BHLHE41: variants seen among roughly 807,000 people sequenced by gnomAD.
The protein encoded by BHLHE41 is class E basic helix-loop-helix protein 41.
A neutral mutation model predicts 24.0 loss-of-function variants in BHLHE41; 14 were observed. The observed-to-expected ratio is 0.58, with a 90% CI of 0.39 to 0.91. The LOEUF is 0.91. Among genes scored for constraint, BHLHE41 ranks in the 40% least tolerant of loss-of-function variants. BHLHE41 has a pLI of 0.00. For missense variants in BHLHE41, 674 were observed against 655.4 expected (o/e 1.03, Z -0.31); for synonymous variants, 394 against 315.5 (o/e 1.25, Z -2.64).
chr12:26,120,459 G>A lies in BHLHE41; in HGVS notation c.*1607C>T, dbSNP rs1944295098. On this transcript the variant is annotated 3_prime_UTR_variant, in exon 5 of 5. Transcript: ENST00000242728. ...TATTTTTTTAAAATAATTTAAGACAGCATAAGCTTGTACCAAGCATAAGCA... is the reference window on the plus strand; with the variant it reads ...TATTTTTTTAAAATAATTTAAGACAACATAAGCTTGTACCAAGCATAAGCA... 1.3e-5 allele frequency: 2 copies of A among 152,466 alleles called. No individual in the cohort carries two copies. The highest frequency in any genetic ancestry group is 4.8e-5 in the African/African-American group (2 of 41,380). The allele number at this position is 152,466 out of a possible 1,614,324, so 9.4% of individuals were successfully genotyped here. A position where few individuals can be genotyped will look rare whatever the true frequency, so the allele number is the denominator to read the frequency against.
At chr12:26,123,879 C>G (rs1944337383) in intron 3 of BHLHE41, 138 bp from the exon 4 acceptor site, 1 of 775,300 alleles carries the variant, frequency 1.3e-6, no homozygotes, top group Admixed American at 1.9e-5. Context: ...GAGCTTTCCA[C>G]AAGACAGGTT....
Position 26,122,443 on chromosome 12 carries a change from C to T in BHLHE41, c.1072G>A (p.Ala358Thr). Residue 358 changes from alanine to threonine, a missense_variant, in exon 5 of 5, where the codon GCA (alanine) becomes ACA (threonine). Coordinates refer to ENST00000242728, the MANE Select transcript of BHLHE41 (RefSeq NM_030762.3). ...AAGGGCTGCACGTAGGCGGCAGCTG[C>T]AGAAGGCGAGAGGAAGCAGAAGGGC... Reference protein sequence around the residue: ...CLPFCFLSPSAAAAYVQPFLD... With the variant: ...CLPFCFLSPSTAAAYVQPFLD... 2.9e-6 allele frequency: 4 copies of T among 1,356,770 alleles called. No homozygotes were observed. Among genetic ancestry groups the T allele is most frequent in the Non-Finnish European group, 2.9e-6 (3 of 1,044,334 alleles). 84.0% of individuals were successfully genotyped at this position (1,356,770 alleles called of 1,614,324 possible).
Position 26,122,976 on chromosome 12 carries a change from A to C in BHLHE41, c.539T>G (p.Leu180Trp), listed in dbSNP as rs1308098877. ...ATQFLPTPQL[L>W]TQQVPLSKGT... is the part of the protein sequence containing the mutation. ...TTTGCTCAGAGGGACCTGTTGAGTC[A>C]ACAGCTGCGGGGTGGGCAAGAACTG... The change falls in exon 5 of 5, where the codon TTG (leucine) becomes TGG (tryptophan). Residue 180 changes from leucine (L) to tryptophan (W), a missense_variant. By Grantham distance (61) the Leu-to-Trp change is moderately conservative. This residue lies in a region of BHLHE41 where 602 missense variants were observed against 570.8 expected (regional missense o/e 1.05). Transcript: ENST00000242728. The C allele has an allele frequency of 6.4e-7, 1 of 1,564,370 alleles. No individual in the cohort carries two copies. The highest frequency in any genetic ancestry group is 8.7e-7 in the Non-Finnish European group (1 of 1,153,902).
In BHLHE41 at chr12:26,120,957, T is replaced by C. The variant is rs1944298411; in HGVS notation, c.*1109A>G. On this transcript the variant is annotated 3_prime_UTR_variant, in exon 5 of 5. Coordinates refer to ENST00000242728, the MANE Select transcript of BHLHE41 (RefSeq NM_030762.3). ...CTCACAGGACTTCATTCTATATCTTTACAGCATTTGCAATCAAAACTGGCC... is the reference window on the plus strand; with the variant it reads ...CTCACAGGACTTCATTCTATATCTTCACAGCATTTGCAATCAAAACTGGCC... 6.5e-6 allele frequency: 1 copy of C among 152,688 alleles called. No homozygotes were observed. Among genetic ancestry groups the C allele is most frequent in the Non-Finnish European group, 1.5e-5 (1 of 68,042 alleles). The allele number at this position is 152,688 out of a possible 1,614,324, so 9.5% of individuals were successfully genotyped here. A position where few individuals can be genotyped will look rare whatever the true frequency, so the allele number is the denominator to read the frequency against.
In BHLHE41 at chr12:26,124,876, G is replaced by A; in HGVS notation, c.-97C>T. 1.2e-5 allele frequency: 14 copies of A among 1,175,192 alleles called. No homozygotes were observed. Among genetic ancestry groups the A allele is most frequent in the Non-Finnish European group, 1.7e-5 (13 of 787,006 alleles). 72.8% of individuals were successfully genotyped at this position (1,175,192 alleles called of 1,614,324 possible). On this transcript the variant is annotated 5_prime_UTR_variant, in exon 1 of 5. In the 5' UTR this introduces an upstream ATG that the reference lacks. Transcript: ENST00000242728. ...TGGGAGACCTTGGGGGGATCTGTGCGTCTCCAGTCTCTCTCTCGCTCTCCC... is the reference window on the plus strand; with the variant it reads ...TGGGAGACCTTGGGGGGATCTGTGCATCTCCAGTCTCTCTCTCGCTCTCCC...
Position 26,122,793 on chromosome 12 carries a change from C to A in BHLHE41, c.722G>T (p.Gly241Val). 6.3e-7 allele frequency: 1 copy of A among 1,591,832 alleles called. No individual in the cohort carries two copies. The highest frequency in any genetic ancestry group is 1.1e-5 in the South Asian group (1 of 88,404). The change falls in exon 5 of 5, where the codon GGC becomes GTC. Residue 241 changes from glycine to valine, a missense_variant. By Grantham distance (109) the Gly-to-Val change is moderately radical. Around this residue, in one of 3 missense-constraint regions of BHLHE41, gnomAD observed 602 missense variants for 570.8 expected, o/e 1.05. Transcript: ENST00000242728. ...AAENDTDTDS[G>V]YGGEAEARPD... ...CCGGGCCTCGGCTTCGCCGCCGTAGCCGCTGTCGGTGTCCGTGTCGTTCTC... is the reference window on the plus strand; with the variant it reads ...CCGGGCCTCGGCTTCGCCGCCGTAGACGCTGTCGGTGTCCGTGTCGTTCTC...
At position 26,124,714 on chromosome 12, in the gene BHLHE41, T is replaced by C. The variant is rs751145157; in HGVS notation, c.62+4A>G. On this transcript the variant is annotated splice_donor_region_variant and intron_variant, in intron 1 of 4. Transcript: ENST00000242728. ...AGATATTCGCAAGGGTGCGTGCACC[T>C]TACCCTATAAAATCTCTATGTTCCA... 6.2e-6 allele frequency: 10 copies of C among 1,613,860 alleles called. No individual in the cohort carries two copies. Among genetic ancestry groups the C allele is most frequent in the Non-Finnish European group, 8.5e-7 (1 of 1,179,790 alleles).
chr12:26,124,811 T>C lies in BHLHE41; in HGVS notation c.-32A>G. On this transcript the variant is annotated 5_prime_UTR_variant, in exon 1 of 5. Transcript: ENST00000242728. ...CTGCTGTTCGTTTCCTCTGTTTCGA[T>C]TTTTGGGGCTCTGTACAATAATCTG... The C allele has an allele frequency of 1.9e-6, 3 of 1,610,824 alleles. No individual in the cohort carries two copies.
chr12:26,122,447 A>G lies in BHLHE41; in HGVS notation c.1068T>C (p.Pro356=). The change falls in exon 5 of 5, where the codon CCT becomes CCC. Residue 356 remains proline (P), a synonymous_variant. Transcript: ENST00000242728. ...PFCLPFCFLS[P]SAAAAYVQPF... is the part of the protein sequence containing the mutation. The stretch of plus-strand genomic sequence containing the variant: ...GCTGCACGTAGGCGGCAGCTGCAGA[A>G]GGCGAGAGGAAGCAGAAGGGCAGGC... 6 of 1,355,258 alleles carry G rather than the reference A, an allele frequency of 4.4e-6. No individual in the cohort carries two copies. The South Asian group carries it at 8.2e-5, about 19-fold the overall frequency. The allele number at this position is 1,355,258 out of a possible 1,614,324, so 84.0% of individuals were successfully genotyped here. A position where few individuals can be genotyped will look rare whatever the true frequency, so the allele number is the denominator to read the frequency against.
At position 26,122,483 on chromosome 12, in the gene BHLHE41, C is replaced by T. The variant is rs1430536996; in HGVS notation, c.1032G>A (p.Ala344=). ...AGCAGAAGGGCAGGCAGAAGGGGGC[C>T]GCGGCGGCCGCGGGCTGCGGGAAGG... ...GAPFPQPAAA[A]APFCLPFCFL... The change falls in exon 5 of 5, where the codon GCG becomes GCA. Residue 344 remains alanine, a synonymous_variant. Coordinates refer to ENST00000242728, the MANE Select transcript of BHLHE41 (RefSeq NM_030762.3). 2 of 1,331,952 alleles carry T rather than the reference C, an allele frequency of 1.5e-6. No homozygotes were observed. The highest frequency in any genetic ancestry group is 1.5e-5 in the African/African-American group (1 of 64,932). 82.5% of individuals were successfully genotyped at this position (1,331,952 alleles called of 1,614,324 possible).
At position 26,124,871 on chromosome 12, in the gene BHLHE41, T is replaced by C; in HGVS notation, c.-92A>G. 1.6e-6 allele frequency: 2 copies of C among 1,247,938 alleles called. No individual in the cohort carries two copies. The highest frequency in any genetic ancestry group is 2.3e-6 in the Non-Finnish European group (2 of 851,764). The allele number at this position is 1,247,938 out of a possible 1,614,324, so 77.3% of individuals were successfully genotyped here. On this transcript the variant is annotated 5_prime_UTR_variant, in exon 1 of 5. Coordinates refer to ENST00000242728, the MANE Select transcript of BHLHE41 (RefSeq NM_030762.3). ...AGGCTTGGGAGACCTTGGGGGGATC[T>C]GTGCGTCTCCAGTCTCTCTCTCGCT...
In BHLHE41 at chr12:26,122,494, C is replaced by G; in HGVS notation, c.1021G>C (p.Ala341Pro). The G allele has an allele frequency of 7.6e-7, 1 of 1,318,950 alleles. No homozygotes were observed. The highest frequency in any genetic ancestry group is 9.8e-7 in the Non-Finnish European group (1 of 1,024,438). 81.7% of individuals were successfully genotyped at this position (1,318,950 alleles called of 1,614,324 possible). The change falls in exon 5 of 5, where the codon GCG becomes CCG. Residue 341 changes from alanine (A) to proline (P), a missense_variant. Physicochemically the swap from Ala to Pro is conservative, Grantham distance 27. Coordinates refer to ENST00000242728, the MANE Select transcript of BHLHE41 (RefSeq NM_030762.3). ...AGGCAGAAGGGGGCCGCGGCGGCCG[C>G]GGGCTGCGGGAAGGGCGCGCCTCCG... Reference protein sequence around the residue: ...GGGGAPFPQPAAAAAPFCLPF... With the variant: ...GGGGAPFPQPPAAAAPFCLPF...
Position 26,122,334 on chromosome 12 carries a change from G to A in BHLHE41, c.1181C>T (p.Ala394Val). Reference sequence around the variant, plus strand: ...GGCGGCTGCCGCGGCTGCCGCCGGGGCGGGGATGCCGGGGTATAGCAGCGG... The same window carrying A: ...GGCGGCTGCCGCGGCTGCCGCCGGGACGGGGATGCCGGGGTATAGCAGCGG... The part of the protein sequence containing the change: ...PFPLLYPGIP[A>V]PAAAAAAAAA... The change falls in exon 5 of 5, where the codon GCC becomes GTC. Residue 394 changes from alanine (A) to valine (V), a missense_variant. Ala to Val is a moderately conservative substitution (Grantham distance 64). This residue lies in a region of BHLHE41 where 602 missense variants were observed against 570.8 expected (regional missense o/e 1.05). Coordinates refer to ENST00000242728, the MANE Select transcript of BHLHE41 (RefSeq NM_030762.3). The A allele has an allele frequency of 8.5e-7, 1 of 1,177,362 alleles. No homozygotes were observed. Among genetic ancestry groups the A allele is most frequent in the Non-Finnish European group, 1.0e-6 (1 of 953,818 alleles). 72.9% of individuals were successfully genotyped at this position (1,177,362 alleles called of 1,614,324 possible). A position where few individuals can be genotyped will look rare whatever the true frequency, so the allele number is the denominator to read the frequency against.
At position 26,122,482 on chromosome 12, in the gene BHLHE41, C is replaced by G; in HGVS notation, c.1033G>C (p.Ala345Pro). 7.5e-7 allele frequency: 1 copy of G among 1,329,388 alleles called. No homozygotes were observed. Among genetic ancestry groups the G allele is most frequent in the Non-Finnish European group, 9.7e-7 (1 of 1,029,918 alleles). 82.3% of individuals were successfully genotyped at this position (1,329,388 alleles called of 1,614,324 possible). Reference sequence around the variant, plus strand: ...AAGCAGAAGGGCAGGCAGAAGGGGGCCGCGGCGGCCGCGGGCTGCGGGAAG... The same window carrying G: ...AAGCAGAAGGGCAGGCAGAAGGGGGGCGCGGCGGCCGCGGGCTGCGGGAAG... ...APFPQPAAAAAPFCLPFCFLS... is the reference protein window; with the variant it reads ...APFPQPAAAAPPFCLPFCFLS... Residue 345 changes from alanine to proline, a missense_variant, in exon 5 of 5, where the codon GCC (alanine) becomes CCC (proline). By Grantham distance (27) the Ala-to-Pro change is conservative (BLOSUM62 -1). Transcript: ENST00000242728.
Position 26,122,479 on chromosome 12 carries a change from G to GGGCCGCGGC in BHLHE41, c.1027_1035dup (p.Ala343_Ala345dup). 1 of 1,341,426 alleles carries GGGCCGCGGC rather than the reference G, an allele frequency of 7.5e-7. No individual in the cohort carries two copies. Among genetic ancestry groups the GGGCCGCGGC allele is most frequent in the Non-Finnish European group, 9.6e-7 (1 of 1,036,356 alleles). 83.1% of individuals were successfully genotyped at this position (1,341,426 alleles called of 1,614,324 possible). ...AGGAAGCAGAAGGGCAGGCAGAAGG[G>GGGCCGCGGC]GGCCGCGGCGGCCGCGGGCTGCGGG... is the stretch of plus-strand genomic sequence containing the variant. On this transcript the variant is annotated inframe_insertion, in exon 5 of 5. Coordinates refer to ENST00000242728, the MANE Select transcript of BHLHE41 (RefSeq NM_030762.3).
chr12:26,122,638 G>GGCC lies in BHLHE41; in HGVS notation c.874_876dup (p.Gly292dup). Reference sequence around the variant, plus strand: ...GCCGCCGCCGCCGCGCCGCCCCCCGGGCCGCCGCCGCTGCCGCCGCCGCGG... The same window carrying GGCC: ...GCCGCCGCCGCCGCGCCGCCCCCCGGGCCGCCGCCGCCGCTGCCGCCGCCGCGG... On this transcript the variant is annotated inframe_insertion, in exon 5 of 5. Coordinates refer to ENST00000242728, the MANE Select transcript of BHLHE41 (RefSeq NM_030762.3). The GGCC allele has an allele frequency of 3.8e-6, 5 of 1,304,252 alleles. No individual in the cohort carries two copies. The highest frequency in any genetic ancestry group is 3.9e-6 in the Non-Finnish European group (4 of 1,026,054). The allele number at this position is 1,304,252 out of a possible 1,614,324, so 80.8% of individuals were successfully genotyped here.
In BHLHE41 at chr12:26,122,638, GGCCGCCGCCGCT is replaced by G. The variant is rs753880774; in HGVS notation, c.865_876del (p.Ser289_Gly292del). ...GCCGCCGCCGCCGCGCCGCCCCCCG[GGCCGCCGCCGCT>G]GCCGCCGCCGCGGGAATCCAGCTTC... On this transcript the variant is annotated inframe_deletion, in exon 5 of 5. Transcript: ENST00000242728. 6,991 of 1,304,236 alleles carry G rather than the reference GGCCGCCGCCGCT, an allele frequency of 5.4e-3. 41 individuals are homozygous for G. The highest frequency in any genetic ancestry group is 6.3e-3 in the Non-Finnish European group (6,431 of 1,026,042). 80.8% of individuals were successfully genotyped at this position (1,304,236 alleles called of 1,614,324 possible).
chr12:26,124,257 C>CCCCCA, intron 2 of BHLHE41, 78 bp from the exon 3 acceptor site: 2 of 524,512 alleles, frequency 3.8e-6, no homozygotes, highest in Admixed American at 2.6e-5. Flanking sequence ...TCGTCTGCCC[C>CCCCCA]CCCCGCCCCC....
At chr12:26,124,252 T>TGGGGGGGGCGGGG in intron 2 of BHLHE41, 73 bp from the exon 3 acceptor site, 1 of 879,458 alleles carries the variant, frequency 1.1e-6, no homozygotes, top group Non-Finnish European at 1.8e-6. Flanking sequence ...TACCCTCGTC[T>TGGGGGGGGCGGGG]GCCCCCCCCG....
Sources: gnomAD v4.1 joint callset for allele counts on GRCh38, gnomAD v4.1.1 for gene constraint, gnomAD v4.1.1 regional missense constraint, MANE v1.5 for transcripts, NCBI Gene and HGNC (gene_info 2026-07-23, HGNC 2026-07-21) for gene names.